The following DLGAP4 variants were observed in gnomAD, a reference collection of about 807,000 sequenced individuals.
DLGAP4 encodes the protein disks large-associated protein 4.
Under a neutral mutation model 86.9 loss-of-function variants are expected in DLGAP4, and 18 were observed. The ratio of observed to expected loss-of-function variants is 0.21; its 90% CI spans 0.14 to 0.31. The LOEUF (loss-of-function observed/expected upper bound fraction) is 0.31. Ranked by LOEUF, DLGAP4 falls within the 10% of genes least tolerant of loss-of-function variation. The pLI is 1.00. For synonymous variants in DLGAP4, 548 were observed against 574.3 expected (o/e 0.95, Z 0.65); for missense variants, 1,085 against 1,362.6 (o/e 0.80, Z 3.21).
intron 10 of DLGAP4, among the ~76,000 whole-genome samples, chr20:36,516,968 A>C (rs1262701751): frequency 1.3e-5 from 2 of 151,626 alleles, no homozygotes; most frequent in African/African-American, 4.8e-5. Flanking sequence ...TCTATAAAAA[A>C]TACAGCCGGG....
At chr20:36,341,028 AG>A (rs1347682789) in intron 1 of DLGAP4, among the ~76,000 whole-genome samples, 4 of 152,172 alleles carry the variant, frequency 2.6e-5, no homozygotes, top group Non-Finnish European at 5.9e-5. Context: ...GGTAGCTCTG[AG>A]GAGAGCTGGG....
chr20:36,336,554 A>T (rs2065324000), intron 1 of DLGAP4, among the ~76,000 whole-genome samples: 1 of 152,164 alleles, frequency 6.6e-6, no homozygotes, highest in Non-Finnish European at 1.5e-5. Context: ...TGTTTGGCTT[A>T]CATCTTATCT....
At chr20:36,376,204 G>C (rs1011931166) in intron 2 of DLGAP4, among the ~76,000 whole-genome samples, 2 of 152,032 alleles carry the variant, frequency 1.3e-5, no homozygotes, top group African/African-American at 4.8e-5. Flanking sequence ...AAGGCCAGGT[G>C]TGGTGGCTCA....
rs2034730447 is a variant in DLGAP4, at chr20:36,472,822, G to A, written c.1649-23883G>A. Reference sequence around the variant, plus strand: ...GGACACTCTGAGGGACCCAGGCCCAGGTGGCCTCATGAGGAGGGGAGCAGG... The same window carrying A: ...GGACACTCTGAGGGACCCAGGCCCAAGTGGCCTCATGAGGAGGGGAGCAGG... On this transcript the variant is annotated intron_variant, in intron 7 of 12. Transcript: ENST00000339266. 2.6e-5 allele frequency among the ~76,000 whole-genome samples: 4 copies of A among 152,204 alleles called. No individual in the cohort carries two copies. In the South Asian group the frequency reaches 8.3e-4, roughly 31 times the overall value.
At chr20:36,471,006 CT>C (rs2034637135) in intron 7 of DLGAP4, among the ~76,000 whole-genome samples, 1 of 152,198 alleles carries the variant, frequency 6.6e-6, no homozygotes, top group Non-Finnish European at 1.5e-5. Context: ...CACAGAATTA[CT>C]CTTTCCAAGA....
chr20:36,354,375 C>T (rs540812208), intron 1 of DLGAP4, among the ~76,000 whole-genome samples: 1 of 152,314 alleles, frequency 6.6e-6, no homozygotes, highest in East Asian at 1.9e-4. Flanking sequence ...GTACTGTTTA[C>T]ACTCCATAAA....
At position 36,308,665 on chromosome 20, in the gene DLGAP4, C is replaced by T. The variant is rs1163845294; in HGVS notation, c.-304+2153C>T. On this transcript the variant is annotated intron_variant, in intron 1 of 12. Transcript: ENST00000339266. This position sits in a 1 kb window ranked among gnomAD's most constrained non-coding sequence, Gnocchi z 4.5. The stretch of plus-strand genomic sequence containing the variant: ...TGTGTGGTTTGTGAGCCACAGGCTT[C>T]GTAAATGCCAGCAGTTTCACATGAT... Among the ~76,000 whole-genome samples, 3 of 152,130 alleles carry T rather than the reference C, an allele frequency of 2.0e-5. No homozygotes were observed. Among genetic ancestry groups the T allele is most frequent in the African/African-American group, 7.2e-5 (3 of 41,420 alleles).
At chr20:36,352,064 G>A (rs777449154) in intron 1 of DLGAP4, among the ~76,000 whole-genome samples, 27 of 152,180 alleles carry the variant, frequency 1.8e-4, no homozygotes, top group Non-Finnish European at 3.1e-4. Context: ...AAGCTCAGGG[G>A]AATGAGGGAG....
At position 36,464,777 on chromosome 20, in the gene DLGAP4, G is replaced by A. The variant is rs560727285; in HGVS notation, c.1648+17840G>A. 3.3e-5 allele frequency among the ~76,000 whole-genome samples: 5 copies of A among 152,164 alleles called. No homozygotes were observed. In the East Asian group the frequency reaches 9.6e-4, roughly 29 times the overall value. On this transcript the variant is annotated intron_variant, in intron 7 of 12. Coordinates refer to ENST00000339266, the MANE Select transcript of DLGAP4 (RefSeq NM_001365621.2). ...ACGCAGGAGAATCATTTGAACCTGG[G>A]AAGCGGAGGTTGCAGTGAGCTGAGA...
intron 1 of DLGAP4, among the ~76,000 whole-genome samples, chr20:36,360,696 T>C (rs1295748636): frequency 2.4e-5 from 3 of 125,370 alleles, no homozygotes; most frequent in African/African-American, 9.5e-5. Context: ...GAAGAGTGGG[T>C]GGGTGGCATG....
chr20:36,407,507 A>T (rs1009543969), intron 2 of DLGAP4, among the ~76,000 whole-genome samples: 2 of 151,846 alleles, frequency 1.3e-5, no homozygotes, highest in African/African-American at 4.8e-5. Flanking sequence ...GGGAGAGAAG[A>T]CTCCAGAGTT....
chr20:36,329,785 C>G (rs2147356572), intron 1 of DLGAP4, among the ~76,000 whole-genome samples: 1 of 152,238 alleles, frequency 6.6e-6, no homozygotes, highest in East Asian at 1.9e-4. Context: ...GTAATCCCAG[C>G]ACTTTGGTAG....
chr20:36,339,205 A>C (rs1476961986), intron 1 of DLGAP4, among the ~76,000 whole-genome samples: 3 of 151,284 alleles, frequency 2.0e-5, no homozygotes, highest in Non-Finnish European at 2.9e-5. Flanking sequence ...CTCGTGCTTC[A>C]GCCTCCCAAG....
chr20:36,430,955 TAAA>T (rs5841234), intron 2 of DLGAP4, among the ~76,000 whole-genome samples: 38 of 119,556 alleles, frequency 3.2e-4, no homozygotes, highest in Admixed American at 4.3e-4. Context: ...ACTCTGTCTC[TAAA>T]AAAAAAAAAA....
intron 1 of DLGAP4, among the ~76,000 whole-genome samples, chr20:36,317,271 CTTTCT>C (rs1432867861): frequency 0.095 from 1,719 of 18,006 alleles, 42 homozygotes; most frequent in African/African-American, 0.25. Flanking sequence ...TTCTTTCTTT[CTTTCT>C]TATCTTTCTT....
At chr20:36,443,676 C>T (rs972554125) in intron 6 of DLGAP4, among the ~76,000 whole-genome samples, 3 of 152,054 alleles carry the variant, frequency 2.0e-5, no homozygotes, top group African/African-American at 4.8e-5. Context: ...CATACAAAGC[C>T]CCCAGGACAG....
intron 2 of DLGAP4, among the ~76,000 whole-genome samples, chr20:36,424,436 T>TC (rs1312127118): frequency 1.3e-5 from 2 of 152,122 alleles, no homozygotes; most frequent in East Asian, 3.9e-4. Context: ...CTGTCAGACT[T>TC]CCAGGGCAAG....
intron 2 of DLGAP4, among the ~76,000 whole-genome samples, chr20:36,375,920 C>T (rs1191793959): frequency 6.6e-6 from 1 of 152,110 alleles, no homozygotes; most frequent in Non-Finnish European, 1.5e-5. Context: ...AAGATCCTGG[C>T]TTTGCCCAGG....
At chr20:36,378,809 T>C (rs1033544158) in intron 2 of DLGAP4, among the ~76,000 whole-genome samples, 9 of 151,932 alleles carry the variant, frequency 5.9e-5, no homozygotes, top group African/African-American at 2.2e-4. Context: ...GTAGGAGGGT[T>C]CGGGGAAGCT....
Sources: allele counts gnomAD v4.1 joint callset (sites outside exome capture counted in the v4.1 genomes callset), GRCh38; gene constraint gnomAD v4.1.1; non-coding constraint Gnocchi (gnomAD v3.1); transcripts MANE v1.5; gene names NCBI Gene and HGNC (gene_info 2026-07-23, HGNC 2026-07-21).